Variants in PTPRD observed in about 807,000 individuals in gnomAD.
PTPRD encodes the protein protein tyrosine phosphatase receptor type D.
In PTPRD, 34 loss-of-function variants were observed where a neutral mutation model predicts 214.5. The observed-to-expected ratio is 0.16, with a 90% CI of 0.12 to 0.21. PTPRD has a LOEUF of 0.21. PTPRD is among the 10% of genes least tolerant of loss of function. PTPRD has a pLI of 1.00. For missense variants in PTPRD, 2,545 were observed against 2,398.7 expected (o/e 1.06, Z -1.27); for synonymous variants, 1,128 against 845.7 (o/e 1.33, Z -5.79).
At chr9:8,346,049 A>G (rs10758959) in intron 39 of PTPRD, among the ~76,000 whole-genome samples, 74,289 of 151,964 alleles carry the variant, frequency 0.49, 21,226 homozygotes, top group Non-Finnish European at 0.65. Context: ...TTTATCAAAA[A>G]TAAAGATTCT....
intron 11 of PTPRD, among the ~76,000 whole-genome samples, chr9:8,780,222 G>A (rs975549413): frequency 1.3e-5 from 2 of 152,120 alleles, no homozygotes; most frequent in Non-Finnish European, 2.9e-5. Flanking sequence ...AAAAATTCTA[G>A]ATAATTATTC....
At chr9:9,631,856 T>C (rs1298429773) in intron 7 of PTPRD, among the ~76,000 whole-genome samples, 1 of 152,164 alleles carries the variant, frequency 6.6e-6, no homozygotes, top group Non-Finnish European at 1.5e-5. Flanking sequence ...GTTATTTTAA[T>C]TATTAGAAAA....
At chr9:10,039,825 T>G (rs1461753366) in intron 3 of PTPRD, among the ~76,000 whole-genome samples, 11 of 152,042 alleles carry the variant, frequency 7.2e-5, no homozygotes, top group Non-Finnish European at 1.5e-5. Flanking sequence ...GAGGACAAAA[T>G]TTAAAGATGA....
intron 11 of PTPRD, among the ~76,000 whole-genome samples, chr9:8,844,097 G>C (rs1240220619): frequency 1.1e-4 from 16 of 152,148 alleles, no homozygotes; most frequent in Non-Finnish European, 2.4e-4. Context: ...TGTCACTCTA[G>C]TACCTAAATA....
At chr9:9,205,768 T>G (rs1593521826) in intron 9 of PTPRD, among the ~76,000 whole-genome samples, 1 of 152,214 alleles carries the variant, frequency 6.6e-6, no homozygotes, top group East Asian at 1.9e-4. Context: ...AAAAAATATG[T>G]AGAATGCCTA....
intron 3 of PTPRD, among the ~76,000 whole-genome samples, chr9:10,150,666 A>G (rs2099054824): frequency 6.6e-6 from 1 of 152,022 alleles, no homozygotes; most frequent in African/African-American, 2.4e-5. Context: ...AATAAAAAAA[A>G]AACTTAAAAA....
chr9:9,860,269 C>T (rs146827652), intron 5 of PTPRD, among the ~76,000 whole-genome samples: 96 of 152,270 alleles, frequency 6.3e-4, no homozygotes, highest in African/African-American at 2.2e-3. Context: ...AAAAGAATTA[C>T]AAATTCAGCT....
intron 7 of PTPRD, among the ~76,000 whole-genome samples, chr9:9,698,391 G>C (rs1265802590): frequency 6.6e-6 from 1 of 152,084 alleles, no homozygotes; most frequent in African/African-American, 2.4e-5. Flanking sequence ...GGTTTGTCTT[G>C]GCTTTAGTGA....
intron 14 of PTPRD, among the ~76,000 whole-genome samples, chr9:8,559,017 C>A (rs1423230446): frequency 1.4e-5 from 2 of 141,734 alleles, no homozygotes; most frequent in Non-Finnish European, 2.9e-5. Context: ...GCCTGGCCTA[C>A]ATTTACATAG....
intron 12 of PTPRD, among the ~76,000 whole-genome samples, chr9:8,639,931 G>A (rs189263668): frequency 3.5e-4 from 54 of 152,272 alleles, no homozygotes; most frequent in Admixed American, 1.2e-3. Context: ...AGGCATTGAA[G>A]TTTTTTGTTT....
At chr9:9,798,204 C>A (rs1305147214) in intron 5 of PTPRD, among the ~76,000 whole-genome samples, 1 of 151,862 alleles carries the variant, frequency 6.6e-6, no homozygotes, top group South Asian at 2.1e-4. Context: ...GGGGAGGAAA[C>A]CTTTATTCAT....
intron 4 of PTPRD, among the ~76,000 whole-genome samples, chr9:9,990,739 G>A (rs564381098): frequency 2.0e-5 from 3 of 152,290 alleles, no homozygotes; most frequent in Admixed American, 6.5e-5. Context: ...AATGGCATTT[G>A]CTTACATTGG....
intron 3 of PTPRD, among the ~76,000 whole-genome samples, chr9:10,063,350 A>C (rs903023385): frequency 1.3e-5 from 2 of 152,072 alleles, no homozygotes; most frequent in African/African-American, 2.4e-5. Flanking sequence ...TATACATATC[A>C]GTTGTCAATA....
intron 2 of PTPRD, among the ~76,000 whole-genome samples, chr9:10,477,659 C>T (rs1382321704): frequency 1.3e-5 from 2 of 152,048 alleles, no homozygotes; most frequent in Non-Finnish European, 2.9e-5. Flanking sequence ...ATAAATCATT[C>T]TACTCTAAAA....
At chr9:8,824,403 G>T (rs555776828) in intron 11 of PTPRD, among the ~76,000 whole-genome samples, 11 of 152,266 alleles carry the variant, frequency 7.2e-5, no homozygotes, top group African/African-American at 2.6e-4. Context: ...AACTATGGGG[G>T]TCTCTTGCAT....
chr9:8,959,752 G>A (rs986205059), intron 11 of PTPRD, among the ~76,000 whole-genome samples: 1 of 152,052 alleles, frequency 6.6e-6, no homozygotes, highest in Admixed American at 6.6e-5. Flanking sequence ...CACTAAGCCA[G>A]ATGGATAAAG....
intron 9 of PTPRD, among the ~76,000 whole-genome samples, chr9:9,306,148 G>C (rs1957057241): frequency 1.3e-5 from 2 of 152,166 alleles, no homozygotes; most frequent in Non-Finnish European, 2.9e-5. Flanking sequence ...TGGCCAAGTG[G>C]AAATTCTATG....
chr9:8,838,662 T>C (rs186116840), intron 11 of PTPRD, among the ~76,000 whole-genome samples: 36 of 152,260 alleles, frequency 2.4e-4, no homozygotes, highest in African/African-American at 8.2e-4. Context: ...GTTGTGAATT[T>C]ATTATATGGT....
intron 11 of PTPRD, among the ~76,000 whole-genome samples, chr9:8,944,361 A>C (rs2099051459): frequency 6.6e-6 from 1 of 152,114 alleles, no homozygotes; most frequent in African/African-American, 2.4e-5. Context: ...GAAAAAATTA[A>C]ACATAGAACT....
Sources: allele counts gnomAD v4.1 joint callset (sites outside exome capture counted in the v4.1 genomes callset), GRCh38; gene constraint gnomAD v4.1.1; transcripts MANE v1.5; gene names NCBI Gene and HGNC (gene_info 2026-07-23, HGNC 2026-07-21).